The following SLC6A2 variants were observed in gnomAD, a reference collection of about 807,000 sequenced individuals.
SLC6A2 encodes solute carrier family 6 member 2, also known as sodium-dependent noradrenaline transporter.
SLC6A2 carries 26 observed loss-of-function variants against 71.7 expected under a neutral mutation model. The observed-to-expected ratio is 0.36, with a 90% CI of 0.27 to 0.50. The LOEUF (loss-of-function observed/expected upper bound fraction) is 0.50, where lower values mean the gene tolerates loss of function less well. Among genes scored for constraint, SLC6A2 ranks in the 20% least tolerant of loss-of-function variants. The probability of loss-of-function intolerance (pLI) is 0.96; values close to 1 mark genes in which losing one functional copy is unlikely to be tolerated. For missense variants in SLC6A2, 581 were observed against 803.9 expected, an observed-to-expected ratio of 0.72 and a Z score of 3.35; for synonymous variants, 363 against 337.9, an observed-to-expected ratio of 1.07 and a Z score of -0.82.
chr16:55,686,064 G>A (rs1297593589), intron 5 of SLC6A2, among the ~76,000 whole-genome samples: 3 of 152,160 alleles, frequency 2.0e-5, no homozygotes, highest in African/African-American at 7.2e-5. Context: ...GTGTTGTGGT[G>A]AGCTAATGCT....
chr16:55,674,994 C>T (rs537802370), intron 4 of SLC6A2, among the ~76,000 whole-genome samples: 109 of 152,260 alleles, frequency 7.2e-4, no homozygotes, highest in Middle Eastern at 6.8e-3. Flanking sequence ...TCCCTTTTCT[C>T]GGCAGCCTTG....
chr16:55,661,978 G>C (rs1964622891), intron 2 of SLC6A2, among the ~76,000 whole-genome samples: 1 of 151,740 alleles, frequency 6.6e-6, no homozygotes, highest in South Asian at 2.1e-4. Flanking sequence ...CTGGCTGCAG[G>C]GGGCTATCTA....
At chr16:55,680,359 C>A (rs147560974) in intron 4 of SLC6A2, among the ~76,000 whole-genome samples, 1 of 152,270 alleles carries the variant, frequency 6.6e-6, no homozygotes, top group Admixed American at 6.5e-5. Context: ...GGAGTATCGA[C>A]TCACACGATA....
At chr16:55,658,971 T>G (rs1235754947) in intron 2 of SLC6A2, among the ~76,000 whole-genome samples, 6 of 152,188 alleles carry the variant, frequency 3.9e-5, no homozygotes, top group Non-Finnish European at 8.8e-5. Context: ...GCAGATTCTC[T>G]GTATCTTTTA....
Position 55,703,295 on chromosome 16 carries a change from G to A in SLC6A2, c.*949G>A, listed in dbSNP as rs1259211420. 1 of 985,374 alleles carries A rather than the reference G, an allele frequency of 1.0e-6. No homozygotes were observed. Among genetic ancestry groups the A allele is most frequent in the Non-Finnish European group, 1.2e-6 (1 of 829,970 alleles). The allele number at this position is 985,374 out of a possible 1,614,324, so 61.0% of individuals were successfully genotyped here. A position where few individuals can be genotyped will look rare whatever the true frequency, so the allele number is the denominator to read the frequency against. On this transcript the variant is annotated 3_prime_UTR_variant, in exon 15 of 15. Transcript: ENST00000568943. ...GCTGTCCTCACAAGGCCAGGTGGGT[G>A]CCCAAAGGGAGCCTGACAGGCTGTT...
chr16:55,665,461 C>T (rs890417214), intron 2 of SLC6A2, among the ~76,000 whole-genome samples: 1 of 152,152 alleles, frequency 6.6e-6, no homozygotes, highest in Non-Finnish European at 1.5e-5. Flanking sequence ...CAGCCTGTAG[C>T]TGAGCTGTGT....
intron 9 of SLC6A2, among the ~76,000 whole-genome samples, 166 bp from the exon 10 acceptor site, chr16:55,697,731 A>G (rs1567456836): frequency 6.6e-6 from 1 of 152,132 alleles, no homozygotes; most frequent in Non-Finnish European, 1.5e-5. Flanking sequence ...AACAGGACAG[A>G]AATGTGACGA....
Position 55,703,752 on chromosome 16 carries a change from G to C in SLC6A2, c.*1406G>C, listed in dbSNP as rs1373934216. The C allele has an allele frequency of 2.0e-6, 2 of 985,232 alleles. No homozygotes were observed. Among genetic ancestry groups the C allele is most frequent in the Admixed American group, 6.2e-5 (1 of 16,258 alleles). The allele number at this position is 985,232 out of a possible 1,614,324, so 61.0% of individuals were successfully genotyped here. A position where few individuals can be genotyped will look rare whatever the true frequency, so the allele number is the denominator to read the frequency against. On this transcript the variant is annotated 3_prime_UTR_variant, in exon 15 of 15. Coordinates refer to ENST00000568943, the MANE Select transcript of SLC6A2 (RefSeq NM_001172501.3). ...GTGGGAGCTCCTGTTGCGGGATCTT[G>C]GGAAAAAATAAAGAAGCCGCTGCAT...
chr16:55,667,293 C>T (rs1408769967), intron 2 of SLC6A2, among the ~76,000 whole-genome samples: 3 of 152,190 alleles, frequency 2.0e-5, no homozygotes, highest in Admixed American at 6.5e-5. Flanking sequence ...AGTGGGGCTG[C>T]GCCAGATCCA....
chr16:55,667,010 TA>T (rs1182736016), intron 2 of SLC6A2, among the ~76,000 whole-genome samples: 1 of 75,178 alleles, frequency 1.3e-5, no homozygotes, highest in African/African-American at 6.1e-5. Context: ...TCTCTCTCTC[TA>T]AATTTTTTTT....
At chr16:55,684,856 C>T (rs1049576646) in intron 4 of SLC6A2, among the ~76,000 whole-genome samples, 5 of 152,202 alleles carry the variant, frequency 3.3e-5, no homozygotes, top group Non-Finnish European at 7.3e-5. Flanking sequence ...CAAGGCCAGG[C>T]GAGCAATAGG....
At chr16:55,678,474 C>G (rs972995315) in intron 4 of SLC6A2, among the ~76,000 whole-genome samples, 1 of 152,124 alleles carries the variant, frequency 6.6e-6, no homozygotes, top group East Asian at 1.9e-4. Flanking sequence ...ATTTTGTTAC[C>G]ATCCTGTACT....
rs1471886543 is a variant in SLC6A2 at position 55,685,311 on chromosome 16, C to T, written c.783+30C>T. 2.5e-6 allele frequency: 4 copies of T among 1,607,540 alleles called. No homozygotes were observed. In the African/African-American group the frequency reaches 5.4e-5, roughly 22 times the overall value. On this transcript the variant is annotated intron_variant, in intron 5 of 14. Transcript: ENST00000568943. Reference sequence around the variant, plus strand: ...TATCTCTGTGTTTCTCTTTCACTTACTTGGGTGATCAACCTTGGGGGGTGT... The same window carrying T: ...TATCTCTGTGTTTCTCTTTCACTTATTTGGGTGATCAACCTTGGGGGGTGT...
chr16:55,704,948 C>T lies in SLC6A2; in HGVS notation c.*2602C>T, dbSNP rs1014338444. On this transcript the variant is annotated 3_prime_UTR_variant, in exon 15 of 15. Transcript: ENST00000568943. The stretch of plus-strand genomic sequence containing the variant: ...GGTGCTTGGAGATCATTTGGGTTTA[C>T]CTTTCCACCCACATTTAATGGAGAG... 2.3e-5 allele frequency: 7 copies of T among 310,224 alleles called. No homozygotes were observed. The highest frequency in any genetic ancestry group is 3.5e-5 in the Non-Finnish European group (6 of 170,574). The allele number at this position is 310,224 out of a possible 1,614,324, so 19.2% of individuals were successfully genotyped here.
At chr16:55,691,684 C>T (rs141856284) in intron 5 of SLC6A2, among the ~76,000 whole-genome samples, 8 of 152,324 alleles carry the variant, frequency 5.3e-5, no homozygotes, top group Admixed American at 2.0e-4. Context: ...CTGTGGCTGA[C>T]TCTCACCCTG....
chr16:55,699,894 T>G (rs775560664), intron 12 of SLC6A2, among the ~76,000 whole-genome samples: 2 of 152,118 alleles, frequency 1.3e-5, no homozygotes, highest in Non-Finnish European at 2.9e-5. Context: ...CAAAGTCACC[T>G]TCTGTTCTTC....
chr16:55,663,746 A>G (rs1255103140), intron 2 of SLC6A2, among the ~76,000 whole-genome samples: 6 of 152,348 alleles, frequency 3.9e-5, no homozygotes, highest in Admixed American at 3.3e-4. Context: ...CTCAGAAAAC[A>G]GAACCTCTCT....
Position 55,702,624 on chromosome 16 carries a change from G to A in SLC6A2, c.*278G>A. The A allele has an allele frequency of 4.4e-6, 6 of 1,377,090 alleles. No homozygotes were observed. The highest frequency in any genetic ancestry group is 5.6e-6 in the Non-Finnish European group (6 of 1,063,540). The allele number at this position is 1,377,090 out of a possible 1,614,324, so 85.3% of individuals were successfully genotyped here. A position where few individuals can be genotyped will look rare whatever the true frequency, so the allele number is the denominator to read the frequency against. Reference sequence around the variant, plus strand: ...TTGGGGGAAGTCTCTCCCACTTTGGGATCCTGCTGAAGCTAGGTTCATGAG... The same window carrying A: ...TTGGGGGAAGTCTCTCCCACTTTGGAATCCTGCTGAAGCTAGGTTCATGAG... On this transcript the variant is annotated 3_prime_UTR_variant, in exon 15 of 15. Coordinates refer to ENST00000568943, the MANE Select transcript of SLC6A2 (RefSeq NM_001172501.3).
rs1328972044 is a variant in SLC6A2 at position 55,656,293 on chromosome 16, G to A, written c.-52+124G>A. 1.2e-5 allele frequency: 4 copies of A among 336,614 alleles called. No homozygotes were observed. In the Admixed American group the frequency reaches 1.3e-4, roughly 11 times the overall value. 20.9% of individuals were successfully genotyped at this position (336,614 alleles called of 1,614,324 possible). A position where few individuals can be genotyped will look rare whatever the true frequency, so the allele number is the denominator to read the frequency against. On this transcript the variant is annotated intron_variant, in intron 1 of 14. Coordinates refer to ENST00000568943, the MANE Select transcript of SLC6A2 (RefSeq NM_001172501.3). The surrounding 1 kb of genome is among the most constrained non-coding windows in gnomAD (Gnocchi z 4.5). ...TTAAGTGTCCGAGAAGGCTCCTGTG[G>A]CTGTTGAAGTGTCGCGGACCTGAGC...
Sources: allele counts gnomAD v4.1 joint callset (sites outside exome capture counted in the v4.1 genomes callset), GRCh38; gene constraint gnomAD v4.1.1; non-coding constraint Gnocchi (gnomAD v3.1); transcripts MANE v1.5; gene names NCBI Gene and HGNC (gene_info 2026-07-23, HGNC 2026-07-21).